Variants in SPECC1L observed in about 807,000 individuals in gnomAD.
SPECC1L encodes sperm antigen with calponin homology and coiled-coil domains 1 like.
SPECC1L carries 40 observed loss-of-function variants against 116.8 expected under a neutral mutation model. The observed-to-expected ratio is 0.34, with a 90% CI of 0.27 to 0.45. The LOEUF is 0.45. SPECC1L is among the 20% of genes least tolerant of loss of function. The pLI, the probability that SPECC1L is intolerant of heterozygous loss-of-function variation, is 1.00. For missense variants in SPECC1L, 1,110 were observed against 1,373.6 expected, an observed-to-expected ratio of 0.81 and a Z score of 3.03; for synonymous variants, 504 against 500.6, an observed-to-expected ratio of 1.01 and a Z score of -0.09.
intron 11 of SPECC1L, among the ~76,000 whole-genome samples, chr22:24,360,317 G>A (rs1368338566): frequency 6.6e-6 from 1 of 152,170 alleles, no homozygotes; most frequent in African/African-American, 2.4e-5. Flanking sequence ...TCTCACAGTG[G>A]AAATACTTCA....
Position 24,275,164 on chromosome 22 carries a change from G to A in SPECC1L, c.-141-1536G>A, listed in dbSNP as rs369378566. Among the ~76,000 whole-genome samples the A allele has an allele frequency of 3.5e-3, 539 of 152,322 alleles. 13 individuals are homozygous for A. The South Asian group carries it at 0.09, about 25-fold the overall frequency. On this transcript the variant is annotated intron_variant, in intron 1 of 16. Transcript: ENST00000314328. ...TTTGGGATTTGGCACACTATGTCTC[G>A]TCTGCGGCCTCCACTGGACAATGAG...
chr22:24,356,981 T>G (rs2041546038), intron 11 of SPECC1L, among the ~76,000 whole-genome samples: 1 of 151,814 alleles, frequency 6.6e-6, no homozygotes, highest in Non-Finnish European at 1.5e-5. Context: ...TCTCCCCAGT[T>G]ATGACAACCA....
intron 15 of SPECC1L, chr22:24,412,422 G>A (rs2042716804): frequency 1.6e-5 from 10 of 617,852 alleles, no homozygotes; most frequent in South Asian, 1.5e-4. Flanking sequence ...AGGAAAGAAC[G>A]GGTGTTGGTG....
chr22:24,305,269 C>G (rs1045854604), intron 3 of SPECC1L, among the ~76,000 whole-genome samples: 1 of 152,190 alleles, frequency 6.6e-6, no homozygotes, highest in African/African-American at 2.4e-5. Flanking sequence ...TCAGTCACCA[C>G]CTAGTTCAAG....
intron 14 of SPECC1L, among the ~76,000 whole-genome samples, chr22:24,400,264 C>T (rs2042447642): frequency 6.6e-6 from 1 of 152,210 alleles, no homozygotes; most frequent in African/African-American, 2.4e-5. Context: ...GGCAACCACT[C>T]GTCTACTTTC....
At chr22:24,283,368 G>A (rs1264269552) in intron 2 of SPECC1L, among the ~76,000 whole-genome samples, 1 of 152,220 alleles carries the variant, frequency 6.6e-6, no homozygotes, top group East Asian at 1.9e-4. Flanking sequence ...GTGAGCCACC[G>A]CGCCCAGCCT....
At chr22:24,309,590 G>A (rs1047270624) in intron 3 of SPECC1L, among the ~76,000 whole-genome samples, 15 of 152,036 alleles carry the variant, frequency 9.9e-5, no homozygotes, top group African/African-American at 3.1e-4. Flanking sequence ...TAGTAGAGAC[G>A]GGGTTTCACC....
At chr22:24,291,843 G>A (rs578117058) in intron 2 of SPECC1L, among the ~76,000 whole-genome samples, 3 of 152,286 alleles carry the variant, frequency 2.0e-5, no homozygotes, top group Admixed American at 6.5e-5. Flanking sequence ...ATCATACGTG[G>A]TTGGGCAGTC....
chr22:24,278,803 G>A (rs956176389), intron 2 of SPECC1L, among the ~76,000 whole-genome samples: 86 of 152,204 alleles, frequency 5.7e-4, no homozygotes, highest in African/African-American at 2.1e-3. Context: ...ATTACTATTA[G>A]TCACTTTGCA....
intron 3 of SPECC1L, among the ~76,000 whole-genome samples, chr22:24,303,875 G>GTA (rs986751146): frequency 1.3e-5 from 2 of 151,626 alleles, no homozygotes; most frequent in African/African-American, 4.9e-5. Flanking sequence ...GTGTGTGTGT[G>GTA]TGTGTGTGTG....
chr22:24,272,615 C>T (rs562551134), intron 1 of SPECC1L, among the ~76,000 whole-genome samples: 1 of 150,712 alleles, frequency 6.6e-6, no homozygotes, highest in South Asian at 2.1e-4. Flanking sequence ...TGCAGTGAAC[C>T]GAGGTCTCGC....
chr22:24,292,387 T>C lies in SPECC1L; in HGVS notation c.-37-9808T>C, dbSNP rs148645521. 4.1e-3 allele frequency among the ~76,000 whole-genome samples: 620 copies of C among 152,310 alleles called. 4 individuals are homozygous for C. The highest frequency in any genetic ancestry group is 0.014 in the African/African-American group (584 of 41,566). On this transcript the variant is annotated intron_variant, in intron 2 of 16. Coordinates refer to ENST00000314328, the MANE Select transcript of SPECC1L (RefSeq NM_015330.6). Reference sequence around the variant, plus strand: ...GTTACACCATTTTTCCTTTGACCTTTGATCTGTGATGAAGTAACTTCTGGA... The same window carrying C: ...GTTACACCATTTTTCCTTTGACCTTCGATCTGTGATGAAGTAACTTCTGGA...
At chr22:24,283,980 C>T (rs1368014422) in intron 2 of SPECC1L, among the ~76,000 whole-genome samples, 1 of 152,020 alleles carries the variant, frequency 6.6e-6, no homozygotes, top group Admixed American at 6.6e-5. Context: ...AATTTGTGTC[C>T]TCTCTTTTTT....
chr22:24,316,665 C>G (rs1032176322), intron 4 of SPECC1L, among the ~76,000 whole-genome samples: 3 of 149,570 alleles, frequency 2.0e-5, no homozygotes, highest in Admixed American at 6.6e-5. Flanking sequence ...TTAAAAGTCT[C>G]CCATGTCTAC....
intron 14 of SPECC1L, among the ~76,000 whole-genome samples, chr22:24,395,773 G>A (rs2042355556): frequency 6.6e-6 from 1 of 152,144 alleles, no homozygotes; most frequent in African/African-American, 2.4e-5. Context: ...AAGAAGCTGG[G>A]ATCAACAGGC....
intron 1 of SPECC1L, among the ~76,000 whole-genome samples, chr22:24,272,890 G>A (rs2048757931): frequency 6.6e-6 from 1 of 152,066 alleles, no homozygotes; most frequent in Admixed American, 6.6e-5. Flanking sequence ...TTTGATAGCT[G>A]GAGAATGCTT....
rs768673095 is a variant in SPECC1L, at chr22:24,343,482, A to G, written c.2653-3604A>G. On this transcript the variant is annotated intron_variant, in intron 10 of 16. Transcript: ENST00000314328. ...TTTTGTTTTGTTTTGTTTTTTTGAG[A>G]TGGAGTCTAGTTCTGTCGCCCACGC... 3.3e-5 allele frequency: 15 copies of G among 447,966 alleles called. 1 individual carries two copies. The Middle Eastern group carries it at 7.1e-3, about 212-fold the overall frequency. The allele number at this position is 447,966 out of a possible 1,614,324, so 27.7% of individuals were successfully genotyped here.
At position 24,414,675 on chromosome 22, in the gene SPECC1L, G is replaced by A. The variant is rs200392052; in HGVS notation, c.*52G>A. ...GCGGGGGTACCCCTCCACAGCGACC[G>A]AGCGACACCGACGCCATTAGCTACG... is the stretch of plus-strand genomic sequence containing the variant. On this transcript the variant is annotated 3_prime_UTR_variant, in exon 17 of 17. Transcript: ENST00000314328. 20 of 1,513,814 alleles carry A rather than the reference G, an allele frequency of 1.3e-5. No homozygotes were observed. Among genetic ancestry groups the A allele is most frequent in the Middle Eastern group, 1.8e-4 (1 of 5,436 alleles). The allele number at this position is 1,513,814 out of a possible 1,614,324, so 93.8% of individuals were successfully genotyped here.
chr22:24,396,684 T>C (rs1311417721), intron 14 of SPECC1L, among the ~76,000 whole-genome samples: 1 of 152,194 alleles, frequency 6.6e-6, no homozygotes, highest in Non-Finnish European at 1.5e-5. Context: ...ATTTAACCTT[T>C]TCAACACTCC....
Sources: gnomAD v4.1 joint callset for allele counts (sites outside exome capture counted in the v4.1 genomes callset) on GRCh38, gnomAD v4.1.1 for gene constraint, MANE v1.5 for transcripts, NCBI Gene and HGNC (gene_info 2026-07-23, HGNC 2026-07-21) for gene names.